Variants in ANGEL1 observed in about 807,000 individuals in gnomAD.
ANGEL1 encodes RNA 2',3'-cyclic phosphatase ANGEL1.
In ANGEL1, 62 loss-of-function variants were observed where a neutral mutation model predicts 76.4. The ratio of observed to expected loss-of-function variants is 0.81; its 90% CI spans 0.66 to 1.00. ANGEL1 has a LOEUF of 1.00. ANGEL1 is among the 50% of genes least tolerant of loss of function. The pLI is 0.00. For missense variants in ANGEL1, 737 were observed against 836.7 expected (o/e 0.88, Z 1.47); for synonymous variants, 340 against 331.7 (o/e 1.03, Z -0.27).
intron 7 of ANGEL1, among the ~76,000 whole-genome samples, chr14:76,796,308 G>T (rs1423334616): frequency 6.7e-6 from 1 of 148,774 alleles, no homozygotes; most frequent in East Asian, 2.0e-4. Context: ...TCAGGCAGGG[G>T]TGTGATCACA....
At chr14:76,804,372 T>C (rs750111709) in intron 5 of ANGEL1, 279 of 1,029,450 alleles carry the variant, frequency 2.7e-4, no homozygotes, top group Non-Finnish European at 3.1e-4. Flanking sequence ...CAAAGCACTT[T>C]ACCGTATCTA....
At chr14:76,807,166 CAT>C (rs1300536772) in intron 4 of ANGEL1, among the ~76,000 whole-genome samples, 1 of 152,232 alleles carries the variant, frequency 6.6e-6, no homozygotes, top group Non-Finnish European at 1.5e-5. Context: ...GAGGAAGTCA[CAT>C]GAGTTTTCAG....
chr14:76,791,359 A>G lies in ANGEL1; in HGVS notation c.1626T>C (p.Pro542=), dbSNP rs111350779. The change falls in exon 8 of 10, where the codon CCT becomes CCC. Residue 542 remains proline (P), a synonymous_variant. Transcript: ENST00000251089. ...EGVTDTKPER[P]AGWAESVLEE... ...CAAGGACAGACTCAGCCCAACCCGC[A>G]GGTCGCTCTGCAGAGGACCAGAGAG... is the stretch of plus-strand genomic sequence containing the variant. The G allele has an allele frequency of 3.0e-4, 477 of 1,614,020 alleles. 5 individuals carry two copies. In the South Asian group the frequency reaches 4.8e-3, roughly 16 times the overall value.
intron 2 of ANGEL1, among the ~76,000 whole-genome samples, chr14:76,808,469 G>C (rs938070842): frequency 6.8e-6 from 1 of 147,918 alleles, no homozygotes; most frequent in African/African-American, 2.4e-5. Context: ...AGATGAGTGT[G>C]CTTAACAGTC....
intron 7 of ANGEL1, among the ~76,000 whole-genome samples, chr14:76,800,011 A>AT (rs1410083726): frequency 1.3e-5 from 2 of 152,186 alleles, no homozygotes; most frequent in Non-Finnish European, 2.9e-5. Flanking sequence ...TATGTGGAGA[A>AT]TAAGTATGTT....
At chr14:76,797,592 T>A (rs1055109532) in intron 7 of ANGEL1, among the ~76,000 whole-genome samples, 2 of 152,034 alleles carry the variant, frequency 1.3e-5, no homozygotes, top group East Asian at 3.9e-4. Flanking sequence ...AGAGTGAGAC[T>A]CCGTCTCGAA....
intron 7 of ANGEL1, among the ~76,000 whole-genome samples, chr14:76,794,746 TTC>T (rs1204610596): frequency 1.5e-5 from 2 of 136,802 alleles, no homozygotes; most frequent in Non-Finnish European, 1.6e-5. Flanking sequence ...TCTATATTTT[TTC>T]TTTTTGTTGC....
rs1470229676 is a variant in ANGEL1, at chr14:76,807,969, A to G, written c.829T>C (p.Tyr277His). 1.9e-6 allele frequency: 3 copies of G among 1,614,192 alleles called. No homozygotes were observed. Among genetic ancestry groups the G allele is most frequent in the South Asian group, 1.1e-5 (1 of 91,082 alleles). Reference sequence around the variant, plus strand: ...TCCTGCATGAGGTTCACGAAGCGATAGTTCCAATTGAGGATGTCTGGATGG... The same window carrying G: ...TCCTGCATGAGGTTCACGAAGCGATGGTTCCAATTGAGGATGTCTGGATGG... ...HCHPDILNWN[Y>H]RFVNLMQEFQ... Residue 277 changes from tyrosine (Y) to histidine (H), a missense_variant, in exon 3 of 10, where the codon TAT becomes CAT. Physicochemically the swap from Tyr to His is moderately conservative, Grantham distance 83. Around this residue, in one of 2 missense-constraint regions of ANGEL1, gnomAD observed 441 missense variants for 449.5 expected, o/e 0.98. Coordinates refer to ENST00000251089, the MANE Select transcript of ANGEL1 (RefSeq NM_015305.4).
Position 76,809,514 on chromosome 14 carries a change from C to T in ANGEL1, c.194G>A (p.Arg65Gln), listed in dbSNP as rs139554238. 670 of 1,614,242 alleles carry T rather than the reference C, an allele frequency of 4.2e-4. 2 individuals are homozygous for T. Among genetic ancestry groups the T allele is most frequent in the East Asian group, 1.6e-3 (74 of 44,886 alleles). Reference protein sequence around the residue: ...EECEGLLQQWREEGLSQVLST... With the variant: ...EECEGLLQQWQEEGLSQVLST... ...GAGCACCTGGCTCAACCCTTCTTCT[C>T]GCCACTGCTGCAGCAGGCCCTCACA... Residue 65 changes from arginine to glutamine, a missense_variant, in exon 2 of 10, where the codon CGA becomes CAA. Arg to Gln is a conservative substitution (Grantham distance 43, BLOSUM62 1). This residue lies in a region of ANGEL1 where 441 missense variants were observed against 449.5 expected (regional missense o/e 0.98). Transcript: ENST00000251089.
intron 7 of ANGEL1, among the ~76,000 whole-genome samples, chr14:76,792,992 C>G (rs989677799): frequency 2.0e-5 from 3 of 151,986 alleles, no homozygotes; most frequent in African/African-American, 4.8e-5. Flanking sequence ...TAGAGAAAAT[C>G]CTAAGAAATC....
At chr14:76,798,883 G>C (rs1894663272) in intron 7 of ANGEL1, among the ~76,000 whole-genome samples, 1 of 150,156 alleles carries the variant, frequency 6.7e-6, no homozygotes, top group Non-Finnish European at 1.5e-5. Flanking sequence ...GGGGGCAAAG[G>C]CTGCAGTAAG....
At chr14:76,796,848 G>A (rs988948399) in intron 7 of ANGEL1, among the ~76,000 whole-genome samples, 2 of 152,084 alleles carry the variant, frequency 1.3e-5, no homozygotes, top group African/African-American at 4.8e-5. Context: ...CTTTGTGATT[G>A]TTGATGCAAT....
chr14:76,797,374 G>C (rs1894613159), intron 7 of ANGEL1, among the ~76,000 whole-genome samples: 1 of 152,082 alleles, frequency 6.6e-6, no homozygotes, highest in Non-Finnish European at 1.5e-5. Context: ...CCGAAGCCGG[G>C]GGATCACTTG....
rs1395702102 is a variant in ANGEL1 at position 76,804,312 on chromosome 14, CCTGAACCTATTA to C, written c.1381-412_1381-401del. On this transcript the variant is annotated intron_variant, in intron 5 of 9. Transcript: ENST00000251089. ...GATCTTCTGGATCAAGGTCTAATAT[CCTGAACCTATTA>C]CTGGGTAACCACAGGGTCAAACCAA... 4.3e-6 allele frequency: 5 copies of C among 1,151,772 alleles called. No homozygotes were observed. The African/African-American group carries it at 8.1e-5, about 19-fold the overall frequency. The allele number at this position is 1,151,772 out of a possible 1,614,324, so 71.3% of individuals were successfully genotyped here. A position where few individuals can be genotyped will look rare whatever the true frequency, so the allele number is the denominator to read the frequency against.
At chr14:76,797,641 G>A (rs567908706) in intron 7 of ANGEL1, among the ~76,000 whole-genome samples, 39 of 152,332 alleles carry the variant, frequency 2.6e-4, no homozygotes, top group African/African-American at 8.9e-4. Flanking sequence ...AGCCTTTGCT[G>A]TGTGACTGTG....
rs1894401235 is a variant in ANGEL1, at chr14:76,791,384, G to GA, written c.1619-19dup. The GA allele has an allele frequency of 1.2e-6, 2 of 1,612,036 alleles. No homozygotes were observed. Among genetic ancestry groups the GA allele is most frequent in the Non-Finnish European group, 1.7e-6 (2 of 1,179,014 alleles). On this transcript the variant is annotated intron_variant, in intron 7 of 9. Coordinates refer to ENST00000251089, the MANE Select transcript of ANGEL1 (RefSeq NM_015305.4). ...AGGTCGCTCTGCAGAGGACCAGAGA[G>GA]AAAAACATTTTCTCATCCACAGACA...
chr14:76,796,050 A>G (rs1000466767), intron 7 of ANGEL1, among the ~76,000 whole-genome samples: 1 of 151,788 alleles, frequency 6.6e-6, no homozygotes, highest in Admixed American at 6.6e-5. Context: ...TCATCCCTTC[A>G]TATCTATTAA....
intron 5 of ANGEL1, among the ~76,000 whole-genome samples, chr14:76,806,176 C>A (rs757457058): frequency 6.6e-6 from 1 of 152,130 alleles, no homozygotes; most frequent in South Asian, 2.1e-4. Context: ...TATGTACTTA[C>A]GTATTACTTG....
rs771607535 is a variant in ANGEL1 at position 76,807,459 on chromosome 14, T to G, written c.920A>C (p.Gln307Pro). 1 of 1,613,364 alleles carries G rather than the reference T, an allele frequency of 6.2e-7. No individual in the cohort carries two copies. Among genetic ancestry groups the G allele is most frequent in the Non-Finnish European group, 8.5e-7 (1 of 1,179,716 alleles). ...CATCATTCGCAGAGAGGGTTCCAGC[T>G]GCTCCCAGTAATGATCTTCCTGGAC... ...QEVQEDHYWE[Q>P]LEPSLRMMGF... Residue 307 changes from glutamine to proline, a missense_variant, in exon 4 of 10, where the codon CAG becomes CCG. Gln to Pro is a moderately conservative substitution (Grantham distance 76). Coordinates refer to ENST00000251089, the MANE Select transcript of ANGEL1 (RefSeq NM_015305.4).
Sources: allele counts gnomAD v4.1 joint callset (sites outside exome capture counted in the v4.1 genomes callset), GRCh38; gene constraint gnomAD v4.1.1; regional missense constraint gnomAD v4.1.1; transcripts MANE v1.5; gene names NCBI Gene and HGNC (gene_info 2026-07-23, HGNC 2026-07-21).